CAMK2D: variants seen among roughly 807,000 people sequenced by gnomAD.
The protein encoded by CAMK2D is calcium/calmodulin dependent protein kinase II delta, also known as calcium/calmodulin-dependent protein kinase type II subunit delta.
Under a neutral mutation model 84.0 loss-of-function variants are expected in CAMK2D, and 37 were observed. That is an observed-to-expected ratio of 0.44 (90% CI 0.34 to 0.58). CAMK2D has a LOEUF of 0.58. CAMK2D is among the 20% of genes least tolerant of loss of function. The probability of loss-of-function intolerance (pLI) is 0.02; values close to 1 mark genes in which losing one functional copy is unlikely to be tolerated. For missense variants in CAMK2D, 448 were observed against 652.5 expected (o/e 0.69, Z 3.41); for synonymous variants, 202 against 212.5 (o/e 0.95, Z 0.43).
intron 3 of CAMK2D, among the ~76,000 whole-genome samples, chr4:113,647,532 A>AT (rs1418172247): frequency 6.6e-6 from 1 of 152,242 alleles, no homozygotes; most frequent in African/African-American, 2.4e-5. Context: ...GGAGCAGATA[A>AT]TTCATTATTG....
chr4:113,562,922 C>T (rs936723191), intron 4 of CAMK2D, among the ~76,000 whole-genome samples: 1 of 152,100 alleles, frequency 6.6e-6, no homozygotes, highest in African/African-American at 2.4e-5. Flanking sequence ...TGTCACTATT[C>T]AACAATACAA....
At chr4:113,654,899 TATATG>T (rs2099191971) in intron 3 of CAMK2D, among the ~76,000 whole-genome samples, 1 of 151,840 alleles carries the variant, frequency 6.6e-6, no homozygotes, top group Non-Finnish European at 1.5e-5. Context: ...TCATATAGAA[TATATG>T]ATATTTGAAA....
intron 2 of CAMK2D, chr4:113,679,350 A>G (rs1410069052): frequency 4.8e-6 from 2 of 415,274 alleles, no homozygotes; most frequent in Non-Finnish European, 6.5e-6. Context: ...GTCAAAATTT[A>G]GACTCTTATC....
intron 3 of CAMK2D, among the ~76,000 whole-genome samples, chr4:113,619,141 G>A (rs62315056): frequency 7.9e-5 from 12 of 151,966 alleles, no homozygotes; most frequent in African/African-American, 2.7e-4. Flanking sequence ...AAAACCCCAA[G>A]GTAATTCTTG....
At chr4:113,471,780 C>T (rs2097549246) in intron 16 of CAMK2D, among the ~76,000 whole-genome samples, 1 of 152,102 alleles carries the variant, frequency 6.6e-6, no homozygotes, top group Non-Finnish European at 1.5e-5. Flanking sequence ...TAGAACAGAG[C>T]TGCCATTGTC....
At chr4:113,663,705 G>A (rs1361873970) in intron 2 of CAMK2D, among the ~76,000 whole-genome samples, 1 of 150,804 alleles carries the variant, frequency 6.6e-6, no homozygotes, top group Non-Finnish European at 1.5e-5. Flanking sequence ...GCTGAACTAT[G>A]TGATTTTTTT....
chr4:113,550,043 A>T (rs2098613108), intron 5 of CAMK2D, among the ~76,000 whole-genome samples: 1 of 152,228 alleles, frequency 6.6e-6, no homozygotes, highest in Non-Finnish European at 1.5e-5. Flanking sequence ...TAAATTATTG[A>T]ATCTTGGGAA....
intron 3 of CAMK2D, among the ~76,000 whole-genome samples, chr4:113,620,709 T>C (rs1448021383): frequency 6.6e-6 from 1 of 152,122 alleles, no homozygotes; most frequent in East Asian, 1.9e-4. Context: ...GATTTCACCA[T>C]GTTAGCCAGG....
intron 4 of CAMK2D, among the ~76,000 whole-genome samples, chr4:113,575,359 T>C (rs1561082886): frequency 6.6e-6 from 1 of 152,228 alleles, no homozygotes; most frequent in Non-Finnish European, 1.5e-5. Flanking sequence ...TAAATTATTT[T>C]TCAAAATAAC....
chr4:113,679,016 T>C (rs1421500336), intron 2 of CAMK2D, among the ~76,000 whole-genome samples: 2 of 152,140 alleles, frequency 1.3e-5, no homozygotes, highest in Non-Finnish European at 2.9e-5. Flanking sequence ...AGCAGAAATT[T>C]AGCTTGTTTT....
intron 2 of CAMK2D, among the ~76,000 whole-genome samples, chr4:113,693,894 A>G (rs1407997087): frequency 2.0e-5 from 3 of 152,190 alleles, no homozygotes; most frequent in Non-Finnish European, 4.4e-5. Flanking sequence ...ATAGGAAGAC[A>G]TATCTGCCAC....
intron 2 of CAMK2D, among the ~76,000 whole-genome samples, chr4:113,705,960 G>C (rs1441690952): frequency 6.6e-6 from 1 of 152,132 alleles, no homozygotes; most frequent in African/African-American, 2.4e-5. Flanking sequence ...CATGTGGTGG[G>C]GGCAGGAGAC....
chr4:113,728,188 T>C (rs75816930), intron 2 of CAMK2D, among the ~76,000 whole-genome samples: 6 of 152,168 alleles, frequency 3.9e-5, no homozygotes, highest in African/African-American at 1.4e-4. Flanking sequence ...TGAAAACATA[T>C]TCTAGTACAT....
At chr4:113,673,517 CA>C (rs2154328124) in intron 2 of CAMK2D, among the ~76,000 whole-genome samples, 2 of 152,354 alleles carry the variant, frequency 1.3e-5, no homozygotes, top group East Asian at 3.9e-4. Context: ...AACATCCAGC[CA>C]GGGGCGGCAT....
intron 16 of CAMK2D, among the ~76,000 whole-genome samples, chr4:113,492,311 G>C (rs974275623): frequency 1.1e-4 from 16 of 151,912 alleles, no homozygotes; most frequent in Non-Finnish European, 1.9e-4. Flanking sequence ...ACACTGCTTT[G>C]AATGTGTCCC....
At chr4:113,614,804 A>G (rs1012324652) in intron 3 of CAMK2D, among the ~76,000 whole-genome samples, 2 of 152,166 alleles carry the variant, frequency 1.3e-5, no homozygotes, top group African/African-American at 4.8e-5. Context: ...GATTGACCAC[A>G]TTGTCCTCAA....
At chr4:113,509,970 T>A (rs2098188828) in intron 12 of CAMK2D, among the ~76,000 whole-genome samples, 1 of 152,240 alleles carries the variant, frequency 6.6e-6, no homozygotes, top group South Asian at 2.1e-4. Flanking sequence ...GTGAAAAGGA[T>A]ACTGGAACTT....
At chr4:113,634,475 C>G (rs2099102274) in intron 3 of CAMK2D, among the ~76,000 whole-genome samples, 2 of 152,034 alleles carry the variant, frequency 1.3e-5, no homozygotes. Flanking sequence ...TAAGAAAAAT[C>G]CAGAATTTAA....
At chr4:113,468,004 CAT>C (rs2097498239) in intron 16 of CAMK2D, among the ~76,000 whole-genome samples, 1 of 150,922 alleles carries the variant, frequency 6.6e-6, no homozygotes, top group African/African-American at 2.4e-5. Context: ...GTTTAGAAAA[CAT>C]GGCCAATTTG....
Sources: gnomAD v4.1 joint callset for allele counts (sites outside exome capture counted in the v4.1 genomes callset) on GRCh38, gnomAD v4.1.1 for gene constraint, MANE v1.5 for transcripts, NCBI Gene and HGNC (gene_info 2026-07-23, HGNC 2026-07-21) for gene names.